DOCK1: variants seen among roughly 807,000 people sequenced by gnomAD.
The protein encoded by DOCK1 is dedicator of cytokinesis protein 1.
Under a neutral mutation model 262.7 loss-of-function variants are expected in DOCK1, and 138 were observed. The observed-to-expected ratio is 0.53, with a 90% CI of 0.46 to 0.61. DOCK1 has a LOEUF of 0.61. Among genes scored for constraint, DOCK1 ranks in the 20% least tolerant of loss-of-function variants. The pLI is 0.00. For missense variants in DOCK1, 1,908 were observed against 2,370.7 expected, an observed-to-expected ratio of 0.80 and a Z score of 4.05; for synonymous variants, 866 against 867.4, an observed-to-expected ratio of 1.00 and a Z score of 0.03.
At chr10:127,443,441 G>C (rs2070323311) in intron 49 of DOCK1, among the ~76,000 whole-genome samples, 1 of 152,130 alleles carries the variant, frequency 6.6e-6, no homozygotes, top group South Asian at 2.1e-4. Context: ...ATATTGGACT[G>C]TTTTAAGCTC....
intron 29 of DOCK1, among the ~76,000 whole-genome samples, chr10:127,301,971 T>C (rs1046748181): frequency 6.7e-6 from 1 of 148,700 alleles, no homozygotes; most frequent in Non-Finnish European, 1.5e-5. Context: ...GAAAAAAAAA[T>C]GCAAGCTTTC....
At chr10:127,040,582 T>C (rs537622031) in intron 19 of DOCK1, among the ~76,000 whole-genome samples, 3 of 152,124 alleles carry the variant, frequency 2.0e-5, no homozygotes, top group Non-Finnish European at 4.4e-5. Context: ...GTTTGTGGTT[T>C]GCTTCTTTAA....
rs376591186 is a variant in DOCK1, at chr10:127,419,781, G to T, written c.4776+32G>T. ...TGTCCAGCAAGAGTCCTGCATGGCT[G>T]GAGGGAAGGAAAGCTAGGAGGGTCT... On this transcript the variant is annotated intron_variant, in intron 46 of 51. Transcript: ENST00000623213. 1,914 of 1,562,214 alleles carry T rather than the reference G, an allele frequency of 1.2e-3. 39 individuals are homozygous for T. In the South Asian group the frequency reaches 0.021, roughly 17 times the overall value.
At chr10:127,109,085 A>G (rs765668681) in intron 24 of DOCK1, among the ~76,000 whole-genome samples, 3 of 152,222 alleles carry the variant, frequency 2.0e-5, no homozygotes, top group Non-Finnish European at 2.9e-5. Context: ...CATTAGGATA[A>G]AAAGAGAAAT....
intron 27 of DOCK1, among the ~76,000 whole-genome samples, chr10:127,159,413 T>C (rs2053390245): frequency 6.6e-6 from 1 of 152,164 alleles, no homozygotes; most frequent in South Asian, 2.1e-4. Flanking sequence ...CTCTAATTCT[T>C]CAGTTGTTAC....
At chr10:127,320,579 G>A (rs983758137) in intron 29 of DOCK1, among the ~76,000 whole-genome samples, 2 of 152,174 alleles carry the variant, frequency 1.3e-5, no homozygotes, top group Non-Finnish European at 2.9e-5. Flanking sequence ...GGCTCAAGGC[G>A]GATGGAGTGA....
intron 27 of DOCK1, among the ~76,000 whole-genome samples, chr10:127,200,619 G>T (rs2057410568): frequency 6.6e-6 from 1 of 152,058 alleles, no homozygotes; most frequent in Non-Finnish European, 1.5e-5. Context: ...GCCCAGGCTG[G>T]TCTCCAACTC....
rs780369039 is a variant in DOCK1 at position 127,175,189 on chromosome 10, A to C, written c.2847+47425A>C. 19 of 1,580,638 alleles carry C rather than the reference A, an allele frequency of 1.2e-5. No homozygotes were observed. The South Asian group carries it at 2.2e-4, about 18-fold the overall frequency. On this transcript the variant is annotated intron_variant, in intron 27 of 51. Coordinates refer to ENST00000623213, the MANE Select transcript of DOCK1 (RefSeq NM_001290223.2). This position sits in a 1 kb window ranked among gnomAD's most constrained non-coding sequence, Gnocchi z 6.3. ...TGGTGATCAGCCTGCATAGCTTCCTAAGACATGGGTGAACATACATACCCT... is the reference window on the plus strand; with the variant it reads ...TGGTGATCAGCCTGCATAGCTTCCTCAGACATGGGTGAACATACATACCCT...
chr10:126,937,818 TCTC>T (rs1273758243), intron 1 of DOCK1, among the ~76,000 whole-genome samples: 77 of 152,316 alleles, frequency 5.1e-4, no homozygotes, highest in Middle Eastern at 3.4e-3. Flanking sequence ...CTGTTGATAG[TCTC>T]CTTTGATACA....
At position 127,032,237 on chromosome 10, in the gene DOCK1, T is replaced by C. The variant is rs1428623506; in HGVS notation, c.1829T>C (p.Met610Thr). 1 of 1,601,032 alleles carries C rather than the reference T, an allele frequency of 6.2e-7. No individual in the cohort carries two copies. The highest frequency in any genetic ancestry group is 8.5e-7 in the Non-Finnish European group (1 of 1,173,760). The change falls in exon 18 of 52, where the codon ATG becomes ACG. Residue 610 changes from methionine (M) to threonine (T), a missense_variant. By Grantham distance (81) the Met-to-Thr change is moderately conservative (BLOSUM62 -1). Around this residue, in one of 9 missense-constraint regions of DOCK1, gnomAD observed 294 missense variants for 439.9 expected, o/e 0.67. Coordinates refer to ENST00000623213, the MANE Select transcript of DOCK1 (RefSeq NM_001290223.2). Reference sequence around the variant, plus strand: ...GGCCACTCGGCCACCGGCAAGAGCATGCAGAGCCTTGGGAGCTGCACCATT... The same window carrying C: ...GGCCACTCGGCCACCGGCAAGAGCACGCAGAGCCTTGGGAGCTGCACCATT... ...EKGHSATGKS[M>T]QSLGSCTISK...
rs71032535 is a variant in DOCK1, at chr10:127,070,250, C to CTTTTTTT, written c.2445+8489_2445+8495dup. Reference sequence around the variant, plus strand: ...CAAGGGTTGGAACTTGAATTTAGCCCTTTTTTTTTTTTTTTTTTTTTGAGA... The same window carrying CTTTTTTT: ...CAAGGGTTGGAACTTGAATTTAGCCCTTTTTTTTTTTTTTTTTTTTTTTTTTTTGAGA... On this transcript the variant is annotated intron_variant, in intron 23 of 51. Transcript: ENST00000623213. 2.2e-4 allele frequency among the ~76,000 whole-genome samples: 20 copies of CTTTTTTT among 92,934 alleles called. 1 individual carries two copies. Among genetic ancestry groups the CTTTTTTT allele is most frequent in the Non-Finnish European group, 3.3e-4 (17 of 51,078 alleles). 61.0% of individuals were successfully genotyped at this position (92,934 alleles called of 152,430 possible). A position where few individuals can be genotyped will look rare whatever the true frequency, so the allele number is the denominator to read the frequency against.
At chr10:127,363,003 ACG>A (rs2064660060) in intron 33 of DOCK1, among the ~76,000 whole-genome samples, 6 of 132,580 alleles carry the variant, frequency 4.5e-5, no homozygotes, top group Non-Finnish European at 7.9e-5. Context: ...CCACACACAC[ACG>A]CACATCCCCA....
intron 29 of DOCK1, among the ~76,000 whole-genome samples, chr10:127,329,284 C>T (rs932803620): frequency 7.9e-5 from 12 of 152,198 alleles, no homozygotes; most frequent in African/African-American, 2.7e-4. Context: ...CCCTGCCCAT[C>T]CATGGCTGTC....
intron 43 of DOCK1, 105 bp from the exon 44 acceptor site, chr10:127,415,047 G>A (rs2068076766): frequency 9.6e-7 from 1 of 1,041,196 alleles, no homozygotes; most frequent in East Asian, 2.6e-5. Context: ...TCCTGCTGAA[G>A]GACCTGACTC....
chr10:126,921,793 T>C (rs1463530034), intron 1 of DOCK1, among the ~76,000 whole-genome samples: 2 of 152,026 alleles, frequency 1.3e-5, no homozygotes, highest in African/African-American at 4.8e-5. Flanking sequence ...GCTGGGACTA[T>C]AGGCATGCAC....
intron 1 of DOCK1, among the ~76,000 whole-genome samples, chr10:126,963,940 C>T (rs915070054): frequency 6.6e-6 from 1 of 152,022 alleles, no homozygotes; most frequent in Non-Finnish European, 1.5e-5. Context: ...TTGGTGATGG[C>T]GTGGCTGCCA....
chr10:127,110,954 A>AT (rs1337937567), intron 25 of DOCK1, among the ~76,000 whole-genome samples: 1 of 152,248 alleles, frequency 6.6e-6, no homozygotes, highest in African/African-American at 2.4e-5. Context: ...AAACCTCTGC[A>AT]TAATTCCACA....
At position 126,999,344 on chromosome 10, in the gene DOCK1, AT is replaced by A; in HGVS notation, c.768-5del. 1 of 1,609,932 alleles carries A rather than the reference AT, an allele frequency of 6.2e-7. No individual in the cohort carries two copies. ...AAAATTAACTTGCTTTTATTTCTCCATTTTTCAAGTGAGAACTACCTGGTTC... is the reference window on the plus strand; with the variant it reads ...AAAATTAACTTGCTTTTATTTCTCCATTTTCAAGTGAGAACTACCTGGTTC... On this transcript the variant is annotated splice_polypyrimidine_tract_variant and intron_variant, in intron 8 of 51. Coordinates refer to ENST00000623213, the MANE Select transcript of DOCK1 (RefSeq NM_001290223.2).
At chr10:127,384,062 T>G (rs1240318980) in intron 37 of DOCK1, among the ~76,000 whole-genome samples, 2 of 152,202 alleles carry the variant, frequency 1.3e-5, no homozygotes, top group African/African-American at 4.8e-5. Context: ...ATCTTCCGCC[T>G]CCTCTTTGAC....
Sources: allele counts gnomAD v4.1 joint callset (sites outside exome capture counted in the v4.1 genomes callset), GRCh38; gene constraint gnomAD v4.1.1; regional missense constraint gnomAD v4.1.1; non-coding constraint Gnocchi (gnomAD v3.1); transcripts MANE v1.5; gene names NCBI Gene and HGNC (gene_info 2026-07-23, HGNC 2026-07-21).